Variants in RBFOX1 observed in about 807,000 individuals in gnomAD.
The protein encoded by RBFOX1 is RNA binding fox-1 homolog 1.
In RBFOX1, 8 loss-of-function variants were observed where a neutral mutation model predicts 57.7. That is an observed-to-expected ratio of 0.14 (90% CI 0.08 to 0.25). The LOEUF (loss-of-function observed/expected upper bound fraction) is 0.25, where lower values mean the gene tolerates loss of function less well. Ranked by LOEUF, RBFOX1 falls within the 10% of genes least tolerant of loss-of-function variation. The pLI is 1.00. For missense variants in RBFOX1, 611 were observed against 548.5 expected, an observed-to-expected ratio of 1.11 and a Z score of -1.14; for synonymous variants, 326 against 222.4, an observed-to-expected ratio of 1.47 and a Z score of -4.15.
chr16:7,023,473 G>C (rs2039911059), intron 3 of RBFOX1, among the ~76,000 whole-genome samples: 2 of 141,132 alleles, frequency 1.4e-5, no homozygotes, highest in African/African-American at 5.3e-5. Context: ...AAAAAAAAGA[G>C]AGAAATGAAT....
At chr16:6,717,665 C>G (rs1471389542) in intron 3 of RBFOX1, among the ~76,000 whole-genome samples, 1 of 151,538 alleles carries the variant, frequency 6.6e-6, no homozygotes, top group Admixed American at 6.6e-5. Context: ...CAGCAAGTGT[C>G]TTCAGAGCTG....
At chr16:6,293,629 C>G (rs903974315) in intron 1 of RBFOX1, among the ~76,000 whole-genome samples, 1 of 152,106 alleles carries the variant, frequency 6.6e-6, no homozygotes, top group African/African-American at 2.4e-5. Flanking sequence ...ATCTTAGTGT[C>G]TTTTAATAGA....
At chr16:5,380,866 G>C (rs1380147085) in intron 1 of RBFOX1, among the ~76,000 whole-genome samples, 1 of 152,196 alleles carries the variant, frequency 6.6e-6, no homozygotes, top group Non-Finnish European at 1.5e-5. Flanking sequence ...ATGTACTCAT[G>C]CATGACTTGT....
At chr16:7,709,860 A>T in intron 15 of RBFOX1, 1 of 1,174,530 alleles carries the variant, frequency 8.5e-7, no homozygotes, top group Non-Finnish European at 1.1e-6. Flanking sequence ...CGTGCCCATC[A>T]CGTGAGAGCA....
intron 13 of RBFOX1, among the ~76,000 whole-genome samples, chr16:7,669,022 A>G (rs994724336): frequency 6.6e-6 from 1 of 152,174 alleles, no homozygotes; most frequent in African/African-American, 2.4e-5. Flanking sequence ...CTTCAACCTC[A>G]GCCTCCTGAG....
chr16:5,589,834 C>T (rs991739827), intron 2 of RBFOX1, among the ~76,000 whole-genome samples: 2 of 152,174 alleles, frequency 1.3e-5, no homozygotes, highest in African/African-American at 4.8e-5. Context: ...ACCCCCAGTG[C>T]AGCTCTCCTT....
chr16:7,098,834 T>G (rs2062145368), intron 4 of RBFOX1, among the ~76,000 whole-genome samples: 1 of 152,148 alleles, frequency 6.6e-6, no homozygotes. Flanking sequence ...GTCTTTCTAG[T>G]GAGGCACAGC....
chr16:5,612,478 A>C (rs1366172524), intron 3 of RBFOX1, among the ~76,000 whole-genome samples: 1 of 152,216 alleles, frequency 6.6e-6, no homozygotes, highest in Non-Finnish European at 1.5e-5. Context: ...TTGAGCAGAT[A>C]CTCATACAAA....
At chr16:5,613,085 T>C (rs1445133329) in intron 3 of RBFOX1, among the ~76,000 whole-genome samples, 3 of 151,252 alleles carry the variant, frequency 2.0e-5, no homozygotes, top group Non-Finnish European at 4.4e-5. Flanking sequence ...TTCAAGGAGG[T>C]GATTGGATTT....
intron 1 of RBFOX1, among the ~76,000 whole-genome samples, chr16:6,189,166 G>C (rs1194574180): frequency 6.6e-6 from 1 of 152,196 alleles, no homozygotes; most frequent in Non-Finnish European, 1.5e-5. Context: ...CTTACCAGCA[G>C]CTGTCAGATG....
At chr16:5,343,046 A>G (rs1347261616) in intron 1 of RBFOX1, among the ~76,000 whole-genome samples, 2 of 152,190 alleles carry the variant, frequency 1.3e-5, no homozygotes, top group Non-Finnish European at 2.9e-5. Context: ...ACATTAATCA[A>G]TAAGGAGTGG....
intron 1 of RBFOX1, among the ~76,000 whole-genome samples, chr16:5,459,061 G>T (rs2068714138): frequency 6.6e-6 from 1 of 152,136 alleles, no homozygotes; most frequent in South Asian, 2.1e-4. Flanking sequence ...TCCCTTAAGG[G>T]AGATCTCTGC....
intron 3 of RBFOX1, among the ~76,000 whole-genome samples, chr16:6,960,947 A>G (rs1255942928): frequency 1.4e-5 from 2 of 146,602 alleles, no homozygotes; most frequent in East Asian, 2.0e-4. Context: ...GGCCAACGTG[A>G]TGAAACTCCA....
chr16:6,761,735 G>T (rs1416349988), intron 3 of RBFOX1, among the ~76,000 whole-genome samples: 1 of 151,680 alleles, frequency 6.6e-6, no homozygotes, highest in African/African-American at 2.4e-5. Flanking sequence ...TTGAATTCCT[G>T]ACCTTGTGAT....
At chr16:6,696,185 C>G (rs977940526) in intron 3 of RBFOX1, among the ~76,000 whole-genome samples, 2 of 152,150 alleles carry the variant, frequency 1.3e-5, no homozygotes, top group African/African-American at 2.4e-5. Context: ...AGGAATAATA[C>G]TCTCTAGTTG....
chr16:6,959,525 C>G (rs928852312), intron 3 of RBFOX1, among the ~76,000 whole-genome samples: 5 of 152,168 alleles, frequency 3.3e-5, no homozygotes, highest in South Asian at 4.2e-4. Context: ...CTCTCTCATT[C>G]TGTGTGCATT....
chr16:6,954,531 T>A (rs1409998411), intron 3 of RBFOX1, among the ~76,000 whole-genome samples: 1 of 152,176 alleles, frequency 6.6e-6, no homozygotes, highest in East Asian at 1.9e-4. Context: ...TGGGATAAAA[T>A]ACATGCCAAC....
At chr16:7,046,607 T>C (rs1401864442) in intron 3 of RBFOX1, among the ~76,000 whole-genome samples, 46 of 102,840 alleles carry the variant, frequency 4.5e-4, no homozygotes, top group Non-Finnish European at 6.5e-4. Flanking sequence ...TTTTATCTTT[T>C]TTTTTTTTTT....
At chr16:5,819,712 C>T (rs2055776500) in intron 3 of RBFOX1, among the ~76,000 whole-genome samples, 1 of 152,226 alleles carries the variant, frequency 6.6e-6, no homozygotes, top group Admixed American at 6.5e-5. Flanking sequence ...TTTCCCTCTG[C>T]CATGCCCACC....
Sources: gnomAD v4.1 joint callset for allele counts (sites outside exome capture counted in the v4.1 genomes callset) on GRCh38, gnomAD v4.1.1 for gene constraint, MANE v1.5 for transcripts, NCBI Gene and HGNC (gene_info 2026-07-23, HGNC 2026-07-21) for gene names.